The following EGFLAM variants were observed in gnomAD, a reference collection of about 807,000 sequenced individuals.
The protein encoded by EGFLAM is pikachurin.
EGFLAM carries 79 observed loss-of-function variants against 113.1 expected under a neutral mutation model. The observed-to-expected ratio is 0.70, with a 90% CI of 0.58 to 0.84. EGFLAM has a LOEUF of 0.84. EGFLAM is among the 40% of genes least tolerant of loss of function. EGFLAM has a pLI of 0.00. For synonymous variants in EGFLAM, 504 were observed against 487.6 expected (o/e 1.03, Z -0.44); for missense variants, 1,265 against 1,291.6 (o/e 0.98, Z 0.32).
At chr5:38,421,286 G>T (rs2112173000) in intron 12 of EGFLAM, among the ~76,000 whole-genome samples, 1 of 152,278 alleles carries the variant, frequency 6.6e-6, no homozygotes, top group Middle Eastern at 3.4e-3. Context: ...TAGAATAGTT[G>T]GTCAGAAATC....
At chr5:38,326,199 C>T (rs551706331) in intron 1 of EGFLAM, among the ~76,000 whole-genome samples, 17 of 152,234 alleles carry the variant, frequency 1.1e-4, no homozygotes, top group African/African-American at 4.1e-4. Context: ...GTGGTTGTGC[C>T]CCTCTGGCTT....
chr5:38,398,101 T>C (rs572451703), intron 6 of EGFLAM, among the ~76,000 whole-genome samples: 4 of 152,294 alleles, frequency 2.6e-5, no homozygotes, highest in Admixed American at 6.5e-5. Flanking sequence ...CCAGAGGGGC[T>C]CTGGGTGTGG....
chr5:38,398,141 A>C (rs1416277619), intron 6 of EGFLAM, among the ~76,000 whole-genome samples: 1 of 152,206 alleles, frequency 6.6e-6, no homozygotes, highest in Non-Finnish European at 1.5e-5. Context: ...CTGCAGAATG[A>C]CATCCTTAAG....
chr5:38,356,273 C>T (rs1739759661), intron 5 of EGFLAM, among the ~76,000 whole-genome samples: 3 of 152,184 alleles, frequency 2.0e-5, no homozygotes, highest in South Asian at 2.1e-4. Context: ...CTATCTCTTC[C>T]AGAATATGTG....
intron 6 of EGFLAM, among the ~76,000 whole-genome samples, chr5:38,388,581 T>TAAAAAA (rs529025586): frequency 2.6e-4 from 39 of 151,326 alleles, no homozygotes; most frequent in African/African-American, 8.8e-4. Context: ...CCATCTCTAC[T>TAAAAAA]AAAAAAATAT....
intron 18 of EGFLAM, among the ~76,000 whole-genome samples, chr5:38,450,952 G>T (rs1428850047): frequency 6.6e-6 from 1 of 152,174 alleles, no homozygotes; most frequent in African/African-American, 2.4e-5. Context: ...TGAACCTCTT[G>T]GTAATTAGGA....
At chr5:38,346,259 C>T (rs1417863993) in intron 3 of EGFLAM, among the ~76,000 whole-genome samples, 10 of 152,166 alleles carry the variant, frequency 6.6e-5, no homozygotes, top group Admixed American at 6.5e-5. Context: ...CTTCCATGGT[C>T]GTAAAGTAAT....
At chr5:38,400,724 G>A (rs1403747807) in intron 6 of EGFLAM, among the ~76,000 whole-genome samples, 1 of 152,130 alleles carries the variant, frequency 6.6e-6, no homozygotes, top group Non-Finnish European at 1.5e-5. Flanking sequence ...ATTATTATGA[G>A]AGAGGGAGTT....
chr5:38,281,578 A>G (rs552072169), intron 1 of EGFLAM, among the ~76,000 whole-genome samples: 2 of 152,174 alleles, frequency 1.3e-5, no homozygotes, highest in African/African-American at 2.4e-5. Context: ...CTCAGTCTCA[A>G]TGCCTCTTGT....
chr5:38,365,966 G>A (rs1330207010), intron 5 of EGFLAM, among the ~76,000 whole-genome samples: 1 of 152,152 alleles, frequency 6.6e-6, no homozygotes, highest in Non-Finnish European at 1.5e-5. Context: ...CAGCTTCATT[G>A]TCTGTCATTC....
At chr5:38,438,162 AT>A (rs1335761098) in intron 16 of EGFLAM, 112 bp from the exon 17 acceptor site, 19 of 1,130,150 alleles carry the variant, frequency 1.7e-5, no homozygotes, top group Non-Finnish European at 1.8e-5. Flanking sequence ...ACTTAAAAAA[AT>A]TTTTTTTCAA....
chr5:38,386,888 T>C (rs2112077270), intron 6 of EGFLAM, among the ~76,000 whole-genome samples: 1 of 152,300 alleles, frequency 6.6e-6, no homozygotes, highest in East Asian at 1.9e-4. Flanking sequence ...GTCCAGTGCA[T>C]AGACACACAT....
At chr5:38,417,560 A>T (rs1741691834) in intron 11 of EGFLAM, among the ~76,000 whole-genome samples, 1 of 152,080 alleles carries the variant, frequency 6.6e-6, no homozygotes, top group Admixed American at 6.6e-5. Context: ...TCTGTTTGGT[A>T]ATTCCCCTCC....
chr5:38,399,276 C>A (rs200707500), intron 6 of EGFLAM, among the ~76,000 whole-genome samples: 1 of 123,422 alleles, frequency 8.1e-6, no homozygotes, highest in African/African-American at 3.1e-5. Flanking sequence ...TTTTTGTTTT[C>A]GTTTTTTTTT....
At position 38,406,212 on chromosome 5, in the gene EGFLAM, G is replaced by T. The variant is rs745930197; in HGVS notation, c.799G>T (p.Asp267Tyr). The T allele has an allele frequency of 6.2e-7, 1 of 1,614,074 alleles. No homozygotes were observed. The highest frequency in any genetic ancestry group is 1.3e-5 in the African/African-American group (1 of 75,034). ...AGEDDEGFED[D>Y]LDLDISFEEV... The stretch of plus-strand genomic sequence containing the variant: ...TGAGGATGATGAAGGATTTGAAGAC[G>T]ACTTAGATTTGGATATTTCCTTTGA... The change falls in exon 7 of 22, where the codon GAC becomes TAC. Residue 267 changes from aspartate to tyrosine, a missense_variant. Transcript: ENST00000322350.
At chr5:38,333,070 G>C (rs989382390) in intron 1 of EGFLAM, among the ~76,000 whole-genome samples, 3 of 152,146 alleles carry the variant, frequency 2.0e-5, no homozygotes, top group Non-Finnish European at 4.4e-5. Flanking sequence ...TTCTGTTCCT[G>C]CATTAGTTTG....
At chr5:38,448,507 CA>C (rs1247374326) in intron 18 of EGFLAM, 128 bp downstream of exon 18, 1 of 919,262 alleles carries the variant, frequency 1.1e-6, no homozygotes, top group Non-Finnish European at 1.7e-6. Flanking sequence ...GCCATGGCCT[CA>C]GGGGAAAAAC....
intron 6 of EGFLAM, among the ~76,000 whole-genome samples, chr5:38,370,740 T>C (rs75735660): frequency 1.2e-3 from 185 of 152,302 alleles, no homozygotes; most frequent in African/African-American, 4.3e-3. Context: ...ACAGACCACA[T>C]AGCAAAATGA....
At chr5:38,329,053 G>T (rs1738967878) in intron 1 of EGFLAM, among the ~76,000 whole-genome samples, 1 of 152,080 alleles carries the variant, frequency 6.6e-6, no homozygotes, top group Non-Finnish European at 1.5e-5. Flanking sequence ...TTAGGGTCAA[G>T]GCGGGAGGAT....
Sources: gnomAD v4.1 joint callset for allele counts (sites outside exome capture counted in the v4.1 genomes callset) on GRCh38, gnomAD v4.1.1 for gene constraint, MANE v1.5 for transcripts, NCBI Gene and HGNC (gene_info 2026-07-23, HGNC 2026-07-21) for gene names.